EML6: variants seen among roughly 807,000 people sequenced by gnomAD.
The protein encoded by EML6 is echinoderm microtubule-associated protein-like 6.
In EML6, 154 loss-of-function variants were observed where a neutral mutation model predicts 240.1. The ratio of observed to expected loss-of-function variants is 0.64; its 90% CI spans 0.56 to 0.73. The LOEUF is 0.73. EML6 is among the 30% of genes least tolerant of loss of function. EML6 has a pLI of 0.00. For synonymous variants in EML6, 1,148 were observed against 899.0 expected (o/e 1.28, Z -4.95); for missense variants, 2,964 against 2,474.6 (o/e 1.20, Z -4.20).
At position 54,802,876 on chromosome 2, in the gene EML6, TTTAA is replaced by T. The variant is rs1231069348; in HGVS notation, c.198-10352_198-10349del. Among the ~76,000 whole-genome samples, 4 of 152,158 alleles carry T rather than the reference TTTAA, an allele frequency of 2.6e-5. No homozygotes were observed. The East Asian group carries it at 7.7e-4, about 29-fold the overall frequency. On this transcript the variant is annotated intron_variant, in intron 2 of 41. Transcript: ENST00000356458. Reference sequence around the variant, plus strand: ...CTTACACATGGAATCTTAAAAAGGTTTTAATTAGTCACTTACACCAAGTTCTGTG... The same window carrying T: ...CTTACACATGGAATCTTAAAAAGGTTTTAGTCACTTACACCAAGTTCTGTG...
chr2:54,779,324 A>T (rs1668741531), intron 2 of EML6, among the ~76,000 whole-genome samples: 1 of 151,918 alleles, frequency 6.6e-6, no homozygotes, highest in African/African-American at 2.4e-5. Flanking sequence ...AGATCACCTG[A>T]GGTCAGGAGT....
intron 28 of EML6, among the ~76,000 whole-genome samples, chr2:54,944,778 A>G (rs1675596082): frequency 6.6e-6 from 1 of 152,192 alleles, no homozygotes; most frequent in Middle Eastern, 3.4e-3. Flanking sequence ...ATCTCTGTAC[A>G]TGATTCTGGA....
At chr2:54,757,761 C>T (rs900047384) in intron 2 of EML6, among the ~76,000 whole-genome samples, 8 of 152,096 alleles carry the variant, frequency 5.3e-5, no homozygotes, top group Non-Finnish European at 1.0e-4. Flanking sequence ...TCCAGGTTTC[C>T]GGCTGTGAGC....
chr2:54,740,561 C>T (rs985550104), intron 2 of EML6, among the ~76,000 whole-genome samples: 5 of 152,156 alleles, frequency 3.3e-5, no homozygotes, highest in South Asian at 4.1e-4. Flanking sequence ...TATAGCAATA[C>T]GAATGTCCAA....
At chr2:54,871,024 T>C (rs886143709) in intron 15 of EML6, among the ~76,000 whole-genome samples, 2 of 152,232 alleles carry the variant, frequency 1.3e-5, no homozygotes, top group South Asian at 4.1e-4. Context: ...TACTGAAAGA[T>C]AGTTATGCCA....
chr2:54,876,479 T>C (rs1416514973), intron 16 of EML6, among the ~76,000 whole-genome samples: 1 of 152,164 alleles, frequency 6.6e-6, no homozygotes, highest in Non-Finnish European at 1.5e-5. Context: ...GCAGAAATTC[T>C]CCTAAAATAA....
intron 11 of EML6, among the ~76,000 whole-genome samples, chr2:54,855,608 G>C (rs1332181334): frequency 6.6e-6 from 1 of 152,136 alleles, no homozygotes; most frequent in Non-Finnish European, 1.5e-5. Flanking sequence ...ATGGCACACA[G>C]AGGGCATCTG....
chr2:54,811,187 C>A (rs1489142744), intron 2 of EML6, among the ~76,000 whole-genome samples: 4 of 152,158 alleles, frequency 2.6e-5, no homozygotes, highest in Non-Finnish European at 4.4e-5. Flanking sequence ...TCTGTCCTTA[C>A]CCCTGCATTT....
At chr2:54,808,427 C>G (rs961602969) in intron 2 of EML6, among the ~76,000 whole-genome samples, 1 of 152,142 alleles carries the variant, frequency 6.6e-6, no homozygotes, top group African/African-American at 2.4e-5. Context: ...TTTGATGTGC[C>G]TCTGCCTCTG....
At chr2:54,958,897 T>TCTCACTTTCACGGGTGCC (rs1676360064) in intron 33 of EML6, among the ~76,000 whole-genome samples, 1 of 151,926 alleles carries the variant, frequency 6.6e-6, no homozygotes, top group Non-Finnish European at 1.5e-5. Flanking sequence ...GCCAGTTAAA[T>TCTCACTTTCACGGGTGCC]ATAGTGAATT....
rs988783154 is a variant in EML6, at chr2:54,863,855, T to C, written c.1898T>C (p.Ile633Thr). 9 of 1,547,888 alleles carry C rather than the reference T, an allele frequency of 5.8e-6. No homozygotes were observed. Among genetic ancestry groups the C allele is most frequent in the African/African-American group, 2.7e-5 (2 of 73,002 alleles). The change falls in exon 13 of 42, where the codon ATT (isoleucine) becomes ACT (threonine). Residue 633 changes from isoleucine (I) to threonine (T), a missense_variant. Physicochemically the swap from Ile to Thr is moderately conservative, Grantham distance 89. Transcript: ENST00000356458. Reference sequence around the variant, plus strand: ...GATGTGCCCGAACTGGACTCTGATATTGAGCAAGAAGCTCAAATCAATTAT... The same window carrying C: ...GATGTGCCCGAACTGGACTCTGATACTGAGCAAGAAGCTCAAATCAATTAT... The part of the protein sequence containing the change: ...LSDVPELDSD[I>T]EQEAQINYDR...
chr2:54,809,248 G>A (rs374299263), intron 2 of EML6, among the ~76,000 whole-genome samples: 5 of 152,206 alleles, frequency 3.3e-5, no homozygotes, highest in Non-Finnish European at 7.3e-5. Flanking sequence ...TCAATAGGCA[G>A]ATAGACTTAA....
intron 16 of EML6, among the ~76,000 whole-genome samples, chr2:54,873,627 A>G (rs1671365950): frequency 6.7e-6 from 1 of 149,296 alleles, no homozygotes; most frequent in African/African-American, 2.5e-5. Context: ...TCCACTCCTC[A>G]GTGGCCAAAC....
intron 7 of EML6, among the ~76,000 whole-genome samples, chr2:54,840,649 T>A (rs1164783453): frequency 2.0e-5 from 3 of 152,244 alleles, no homozygotes; most frequent in Non-Finnish European, 4.4e-5. Context: ...CTTTTATTTC[T>A]TGGCATCTCC....
chr2:54,778,277 C>T lies in EML6; in HGVS notation c.198-34955C>T, dbSNP rs532607049. 5.3e-4 allele frequency among the ~76,000 whole-genome samples: 81 copies of T among 152,226 alleles called. 1 individual carries two copies. Among genetic ancestry groups the T allele is most frequent in the African/African-American group, 1.9e-3 (77 of 41,522 alleles). ...GGATTTGTATAAGATTTCATTAAAG[C>T]TTATTAAATGTCGAAATTTATTCCT... On this transcript the variant is annotated intron_variant, in intron 2 of 41. Coordinates refer to ENST00000356458, the MANE Select transcript of EML6 (RefSeq NM_001039753.4).
At chr2:54,841,116 C>T (rs558706236) in intron 7 of EML6, among the ~76,000 whole-genome samples, 229 of 152,340 alleles carry the variant, frequency 1.5e-3, no homozygotes, top group Admixed American at 4.2e-3. Context: ...GCTGTGGCAA[C>T]AGGATCATGG....
chr2:54,963,325 T>C (rs1266006109), intron 36 of EML6, among the ~76,000 whole-genome samples: 1 of 152,264 alleles, frequency 6.6e-6, no homozygotes, highest in Non-Finnish European at 1.5e-5. Context: ...ACTTTTAAGT[T>C]AGTTTCTGTA....
Position 54,850,062 on chromosome 2 carries a change from G to C in EML6, c.1288G>C (p.Gly430Arg), listed in dbSNP as rs374450368. ...GSYLAVGSND[G>R]PVDVYAVAQR... ...TTACCTTGCAGTGGGATCCAATGAT[G>C]GCCCAGTAGATGTCTATGCTGTTGC... The change falls in exon 10 of 42, where the codon GGC becomes CGC. Residue 430 changes from glycine (G) to arginine (R), a missense_variant. Physicochemically the swap from Gly to Arg is moderately radical, Grantham distance 125. Coordinates refer to ENST00000356458, the MANE Select transcript of EML6 (RefSeq NM_001039753.4). The C allele has an allele frequency of 6.4e-7, 1 of 1,551,942 alleles. No individual in the cohort carries two copies. Among genetic ancestry groups the C allele is most frequent in the Non-Finnish European group, 8.7e-7 (1 of 1,147,056 alleles).
At chr2:54,772,994 A>C (rs1301021083) in intron 2 of EML6, among the ~76,000 whole-genome samples, 2 of 152,216 alleles carry the variant, frequency 1.3e-5, no homozygotes, top group African/African-American at 4.8e-5. Flanking sequence ...AGGGTAGGGC[A>C]ACACTGACCT....
Sources: gnomAD v4.1 joint callset for allele counts (sites outside exome capture counted in the v4.1 genomes callset) on GRCh38, gnomAD v4.1.1 for gene constraint, MANE v1.5 for transcripts, NCBI Gene and HGNC (gene_info 2026-07-23, HGNC 2026-07-21) for gene names.